LRRFIP1: variants seen among roughly 807,000 people sequenced by gnomAD.
The protein encoded by LRRFIP1 is LRR binding FLII interacting protein 1, also known as leucine-rich repeat flightless-interacting protein 1.
A neutral mutation model predicts 104.4 loss-of-function variants in LRRFIP1; 62 were observed. That is an observed-to-expected ratio of 0.59 (90% CI 0.48 to 0.73). The LOEUF is 0.73. Ranked by LOEUF, LRRFIP1 falls within the 30% of genes least tolerant of loss-of-function variation. The pLI, the probability that LRRFIP1 is intolerant of heterozygous loss-of-function variation, is 0.00. For missense variants in LRRFIP1, 796 were observed against 824.5 expected, an observed-to-expected ratio of 0.97 and a Z score of 0.42; for synonymous variants, 300 against 299.0, an observed-to-expected ratio of 1.00 and a Z score of -0.03.
chr2:237,671,717 C>T (rs1275030191), intron 1 of LRRFIP1, among the ~76,000 whole-genome samples: 1 of 151,868 alleles, frequency 6.6e-6, no homozygotes, highest in Non-Finnish European at 1.5e-5. Flanking sequence ...GGCCACCACT[C>T]ATAGACAGCT....
intron 1 of LRRFIP1, among the ~76,000 whole-genome samples, chr2:237,675,899 A>T (rs549283667): frequency 6.6e-6 from 1 of 152,358 alleles, no homozygotes; most frequent in Non-Finnish European, 1.5e-5. Context: ...TTATAGCTGG[A>T]CAGGATGCTG....
At chr2:237,728,470 G>A (rs1040884486) in intron 8 of LRRFIP1, among the ~76,000 whole-genome samples, 1 of 151,352 alleles carries the variant, frequency 6.6e-6, no homozygotes, top group African/African-American at 2.4e-5. Flanking sequence ...GAAGGAAAGG[G>A]TGCTGCTCTA....
chr2:237,659,716 C>T (rs942490453), intron 1 of LRRFIP1, among the ~76,000 whole-genome samples: 4 of 151,772 alleles, frequency 2.6e-5, no homozygotes, highest in South Asian at 2.1e-4. Context: ...GATCATTGCT[C>T]ATCGCTGCCT....
chr2:237,657,684 T>C (rs1280838581), intron 1 of LRRFIP1, among the ~76,000 whole-genome samples: 1 of 152,248 alleles, frequency 6.6e-6, no homozygotes, highest in Non-Finnish European at 1.5e-5. Context: ...AATATATTTG[T>C]TTATATAGGC....
chr2:237,706,238 A>G (rs1044918314), intron 1 of LRRFIP1, among the ~76,000 whole-genome samples: 4 of 152,180 alleles, frequency 2.6e-5, no homozygotes, highest in Non-Finnish European at 5.9e-5. Flanking sequence ...CTTGGGGACC[A>G]ACCCAGAATT....
chr2:237,637,678 A>T (rs1485233461), intron 1 of LRRFIP1, among the ~76,000 whole-genome samples: 2 of 152,152 alleles, frequency 1.3e-5, no homozygotes, highest in African/African-American at 4.8e-5. Context: ...CCACTGGCAT[A>T]TTATATTACA....
chr2:237,689,598 C>T (rs999035424), intron 1 of LRRFIP1, among the ~76,000 whole-genome samples: 1 of 152,232 alleles, frequency 6.6e-6, no homozygotes, highest in African/African-American at 2.4e-5. Context: ...GCAGCAGCCC[C>T]TTCCCACAGC....
chr2:237,699,698 T>C (rs1486036052), intron 1 of LRRFIP1, among the ~76,000 whole-genome samples: 1 of 152,246 alleles, frequency 6.6e-6, no homozygotes. Flanking sequence ...GGAAAAGTTC[T>C]TCCCATCGCA....
intron 1 of LRRFIP1, among the ~76,000 whole-genome samples, chr2:237,663,503 C>T (rs1316166604): frequency 6.6e-6 from 1 of 152,232 alleles, no homozygotes; most frequent in South Asian, 2.1e-4. Context: ...AAAGGGGGCC[C>T]TCCCCAGACA....
chr2:237,692,102 A>C (rs1426983149), intron 1 of LRRFIP1: 1 of 541,220 alleles, frequency 1.8e-6, no homozygotes, highest in Non-Finnish European at 2.1e-6. Flanking sequence ...TGGGGCGGGG[A>C]CGGGGCGGGG....
chr2:237,686,850 G>A (rs1472058518), intron 1 of LRRFIP1, among the ~76,000 whole-genome samples: 1 of 152,234 alleles, frequency 6.6e-6, no homozygotes, highest in Non-Finnish European at 1.5e-5. Context: ...CAGCAGGCAG[G>A]GTCTGGATCC....
At chr2:237,655,712 C>G (rs560410375) in intron 1 of LRRFIP1, among the ~76,000 whole-genome samples, 28 of 152,292 alleles carry the variant, frequency 1.8e-4, no homozygotes, top group African/African-American at 6.7e-4. Flanking sequence ...ATGATATAAC[C>G]AAAACCAGTT....
At chr2:237,646,221 T>TA (rs915504246) in intron 1 of LRRFIP1, among the ~76,000 whole-genome samples, 11 of 151,686 alleles carry the variant, frequency 7.3e-5, no homozygotes, top group South Asian at 2.1e-4. Flanking sequence ...CTTTCATTTT[T>TA]AAAAAAAAAT....
Position 237,735,041 on chromosome 2 carries a change from A to C in LRRFIP1, c.490-227A>C, listed in dbSNP as rs1470585640. On this transcript the variant is annotated intron_variant, in intron 9 of 23. Transcript: ENST00000308482. This position sits in a 1 kb window ranked among gnomAD's most constrained non-coding sequence, Gnocchi z 4.6. Reference sequence around the variant, plus strand: ...AGATTTAAATGGTCTGTTGGAGATTACATTGCACACCTCCTGACAACGACT... The same window carrying C: ...AGATTTAAATGGTCTGTTGGAGATTCCATTGCACACCTCCTGACAACGACT... 6.6e-6 allele frequency among the ~76,000 whole-genome samples: 1 copy of C among 152,158 alleles called. No homozygotes were observed. The highest frequency in any genetic ancestry group is 1.5e-5 in the Non-Finnish European group (1 of 68,036).
In LRRFIP1 at chr2:237,645,981, C is replaced by T. The variant is rs946585903; in HGVS notation, c.96+18241C>T. Among the ~76,000 whole-genome samples, 4 of 151,908 alleles carry T rather than the reference C, an allele frequency of 2.6e-5. No individual in the cohort carries two copies. In the South Asian group the frequency reaches 8.3e-4, roughly 32 times the overall value. On this transcript the variant is annotated intron_variant, in intron 1 of 23. Transcript: ENST00000308482. ...TGAGACAGTTAACTTTTTTCTTTTC[C>T]TTAGCTCTGTTCCTCGCCGTGGGGA...
chr2:237,643,500 C>T (rs2084361905), intron 1 of LRRFIP1, among the ~76,000 whole-genome samples: 1 of 152,254 alleles, frequency 6.6e-6, no homozygotes, highest in Admixed American at 6.5e-5. Flanking sequence ...TTTTCCTGCT[C>T]AGACGGCTGA....
intron 12 of LRRFIP1, among the ~76,000 whole-genome samples, chr2:237,748,852 G>T (rs1345404468): frequency 2.0e-5 from 3 of 152,224 alleles, no homozygotes; most frequent in Non-Finnish European, 1.5e-5. Flanking sequence ...CTGAGACTGG[G>T]TAATTTACAA....
rs914746014 is a variant in LRRFIP1, at chr2:237,649,702, G to A, written c.96+21962G>A. 1.3e-5 allele frequency among the ~76,000 whole-genome samples: 2 copies of A among 151,924 alleles called. No individual in the cohort carries two copies. Among genetic ancestry groups the A allele is most frequent in the East Asian group, 1.9e-4 (1 of 5,194 alleles). ...TGTCACATTTCTCACCGGAGTCCTC[G>A]TCCCATCGCCTCCTCTCTCCCTGCC... On this transcript the variant is annotated intron_variant, in intron 1 of 23. Transcript: ENST00000308482. This position sits in a 1 kb window ranked among gnomAD's most constrained non-coding sequence, Gnocchi z 4.1.
chr2:237,672,146 TC>T (rs1177839148), intron 1 of LRRFIP1, among the ~76,000 whole-genome samples: 2 of 152,160 alleles, frequency 1.3e-5, no homozygotes, highest in African/African-American at 4.8e-5. Context: ...ATGTTTTTTT[TC>T]CTTTCTGTCT....
Sources: gnomAD v4.1 joint callset for allele counts (sites outside exome capture counted in the v4.1 genomes callset) on GRCh38, gnomAD v4.1.1 for gene constraint, Gnocchi (gnomAD v3.1) non-coding constraint, MANE v1.5 for transcripts, NCBI Gene and HGNC (gene_info 2026-07-23, HGNC 2026-07-21) for gene names.